Variants in MAP2K6 observed in about 807,000 individuals in gnomAD.
The protein encoded by MAP2K6 is dual specificity mitogen-activated protein kinase kinase 6.
A neutral mutation model predicts 53.7 loss-of-function variants in MAP2K6; 16 were observed. That is an observed-to-expected ratio of 0.30 (90% confidence interval 0.20 to 0.45). The LOEUF (loss-of-function observed/expected upper bound fraction) is 0.45, where lower values mean the gene tolerates loss of function less well. Ranked by LOEUF, MAP2K6 falls within the 20% of genes least tolerant of loss-of-function variation. The pLI, the probability that MAP2K6 is intolerant of heterozygous loss-of-function variation, is 1.00. For missense variants in MAP2K6, 204 were observed against 411.9 expected, an observed-to-expected ratio of 0.50 and a Z score of 4.37; for synonymous variants, 132 against 143.1, an observed-to-expected ratio of 0.92 and a Z score of 0.55.
At chr17:69,526,814 A>G (rs1430366590) in intron 10 of MAP2K6, 105 bp downstream of exon 10, 13 of 1,379,944 alleles carry the variant, frequency 9.4e-6, no homozygotes, top group Non-Finnish European at 1.2e-5. Flanking sequence ...TCATTCCGAA[A>G]GCATTTGTGG....
chr17:69,497,690 C>G (rs71375729), intron 1 of MAP2K6, among the ~76,000 whole-genome samples: 106 of 152,270 alleles, frequency 7.0e-4, no homozygotes, highest in Non-Finnish European at 1.1e-3. Flanking sequence ...TTCAGTTTGT[C>G]CAGAGTAGAA....
At chr17:69,532,819 G>A (rs993187265) in intron 10 of MAP2K6, among the ~76,000 whole-genome samples, 1 of 152,182 alleles carries the variant, frequency 6.6e-6, no homozygotes, top group African/African-American at 2.4e-5. Context: ...TCAAGGAATA[G>A]CCTATTGACC....
intron 1 of MAP2K6, among the ~76,000 whole-genome samples, chr17:69,504,207 G>T (rs1419565177): frequency 6.6e-6 from 1 of 152,138 alleles, no homozygotes; most frequent in Non-Finnish European, 1.5e-5. Flanking sequence ...GCCATATCCA[G>T]GGCTTGTGTT....
intron 2 of MAP2K6, among the ~76,000 whole-genome samples, chr17:69,510,856 A>G (rs532023954): frequency 5.2e-4 from 77 of 148,974 alleles, no homozygotes; most frequent in African/African-American, 1.7e-3. Flanking sequence ...AAATTTGTCA[A>G]TTTTGCTTGA....
chr17:69,457,140 G>A (rs934269940), intron 1 of MAP2K6, among the ~76,000 whole-genome samples: 1 of 152,164 alleles, frequency 6.6e-6, no homozygotes, highest in Non-Finnish European at 1.5e-5. Context: ...AGAGACTTCA[G>A]CATCTCTCTA....
intron 1 of MAP2K6, chr17:69,502,594 A>T (rs1267493083): frequency 8.1e-6 from 8 of 985,152 alleles, no homozygotes; most frequent in African/African-American, 1.7e-5. Context: ...TAGGTTTAAG[A>T]TATGCAGATG....
At chr17:69,514,743 G>A (rs1910049485) in intron 2 of MAP2K6, among the ~76,000 whole-genome samples, 1 of 152,130 alleles carries the variant, frequency 6.6e-6, no homozygotes, top group South Asian at 2.1e-4. Context: ...TGTATTTTTA[G>A]TAGAGATGAG....
chr17:69,502,183 G>A (rs1289300987), intron 1 of MAP2K6: 1 of 985,308 alleles, frequency 1.0e-6, no homozygotes, highest in Non-Finnish European at 1.2e-6. Context: ...CTCCCTTCCT[G>A]AAGCTGCAAT....
At chr17:69,515,656 TAAG>T (rs1910103320) in intron 2 of MAP2K6, among the ~76,000 whole-genome samples, 1 of 152,298 alleles carries the variant, frequency 6.6e-6, no homozygotes. Flanking sequence ...CTCTGGCTCT[TAAG>T]AAGACCCCAG....
At chr17:69,518,710 A>G (rs1910302860) in intron 4 of MAP2K6, among the ~76,000 whole-genome samples, 1 of 152,224 alleles carries the variant, frequency 6.6e-6, no homozygotes, top group South Asian at 2.1e-4. Flanking sequence ...CTAAGTAGGC[A>G]AAAAGTGTGA....
intron 1 of MAP2K6, among the ~76,000 whole-genome samples, chr17:69,498,658 A>ACACACACCTGGAAGC (rs752187770): frequency 3.0e-5 from 2 of 66,500 alleles, no homozygotes; most frequent in East Asian, 1.7e-3. Context: ...AGCCACACAC[A>ACACACACCTGGAAGC]CACACACACA....
intron 1 of MAP2K6, among the ~76,000 whole-genome samples, chr17:69,454,148 T>A (rs1907321927): frequency 6.6e-6 from 1 of 152,164 alleles, no homozygotes; most frequent in Non-Finnish European, 1.5e-5. Context: ...ATAAAAGAAA[T>A]ATCAGGAAGC....
intron 1 of MAP2K6, among the ~76,000 whole-genome samples, chr17:69,427,133 G>C (rs817555): frequency 6.6e-6 from 1 of 151,970 alleles, no homozygotes; most frequent in Admixed American, 6.5e-5. Flanking sequence ...GGCCACGGCT[G>C]TAATTTTCAT....
intron 2 of MAP2K6, 30 bp from the exon 3 acceptor site, chr17:69,516,825 G>GTTTCTTCTTTTCCCCCTTATC (rs763168982): frequency 2.0e-6 from 3 of 1,529,484 alleles, no homozygotes; most frequent in Admixed American, 1.7e-5. Context: ...AATAGCTTAT[G>GTTTCTTCTTTTCCCCCTTATC]TTTCTTCTTT....
chr17:69,553,370 G>A lies in MAP2K6; in HGVS notation c.*11617G>A, dbSNP rs1912172850. ...TGTGTTTTTGACCAAGGAAACAGCT[G>A]AGATATTAAACCATGTGGTTGTTCC... On this transcript the variant is annotated 3_prime_UTR_variant, in exon 12 of 12. Coordinates refer to ENST00000590474, the MANE Select transcript of MAP2K6 (RefSeq NM_002758.4). 1 of 152,206 alleles carries A rather than the reference G, an allele frequency of 6.6e-6. No individual in the cohort carries two copies. The highest frequency in any genetic ancestry group is 6.5e-5 in the Admixed American group (1 of 15,288). 9.4% of individuals were successfully genotyped at this position (152,206 alleles called of 1,614,324 possible).
At chr17:69,520,408 C>A in intron 6 of MAP2K6, 22 bp downstream of exon 6, 1 of 1,380,622 alleles carries the variant, frequency 7.2e-7, no homozygotes, top group Non-Finnish European at 1.0e-6. Context: ...TTGATCCCTA[C>A]TGCAAGGATA....
At chr17:69,528,196 A>C (rs1910884296) in intron 10 of MAP2K6, among the ~76,000 whole-genome samples, 1 of 151,206 alleles carries the variant, frequency 6.6e-6, no homozygotes, top group Non-Finnish European at 1.5e-5. Context: ...GTTGCTTGTG[A>C]ACCTAAGAGC....
At position 69,544,627 on chromosome 17, in the gene MAP2K6, T is replaced by C. The variant is rs1598326404; in HGVS notation, c.*2874T>C. The C allele has an allele frequency of 1.3e-5, 2 of 152,226 alleles. No individual in the cohort carries two copies. The highest frequency in any genetic ancestry group is 4.8e-5 in the African/African-American group (2 of 41,466). 9.4% of individuals were successfully genotyped at this position (152,226 alleles called of 1,614,324 possible). The stretch of plus-strand genomic sequence containing the variant: ...GAGATCATGCTTATTTCCCCAGATG[T>C]ATTTGATTTTGTATCATATAATTGT... On this transcript the variant is annotated 3_prime_UTR_variant, in exon 12 of 12. Transcript: ENST00000590474.
In MAP2K6 at chr17:69,427,521, CAG is replaced by C. The variant is rs1427143033; in HGVS notation, c.16+12524_16+12525del. 4.6e-5 allele frequency among the ~76,000 whole-genome samples: 7 copies of C among 152,186 alleles called. No homozygotes were observed. The East Asian group carries it at 1.4e-3, about 29-fold the overall frequency. On this transcript the variant is annotated intron_variant, in intron 1 of 11. Transcript: ENST00000590474. ...TCTTTTATTATTTTGGTTTCAAAAA[CAG>C]AGTGACGTATAGCTCTGGGGCTCAC...
Sources: gnomAD v4.1 joint callset for allele counts (sites outside exome capture counted in the v4.1 genomes callset) on GRCh38, gnomAD v4.1.1 for gene constraint, MANE v1.5 for transcripts, NCBI Gene and HGNC (gene_info 2026-07-23, HGNC 2026-07-21) for gene names.